TTC7A: variants seen among roughly 807,000 people sequenced by gnomAD.
The protein encoded by TTC7A is tetratricopeptide repeat domain 7A, also known as tetratricopeptide repeat protein 7A.
In TTC7A, 110 loss-of-function variants were observed where a neutral mutation model predicts 103.7. The ratio of observed to expected loss-of-function variants is 1.06; its 90% CI spans 0.91 to 1.24. TTC7A has a LOEUF of 1.24. TTC7A is among the 50% of genes most tolerant of loss of function. The pLI is 0.00. For missense variants in TTC7A, 1,340 were observed against 1,116.3 expected (o/e 1.20, Z -2.86); for synonymous variants, 521 against 467.9 (o/e 1.11, Z -1.47).
chr2:47,020,665 G>A (rs773816864), intron 11 of TTC7A, among the ~76,000 whole-genome samples: 2 of 152,252 alleles, frequency 1.3e-5, no homozygotes, highest in African/African-American at 4.8e-5. Context: ...AGGCCATCAT[G>A]CAGCTTTCTC....
At chr2:46,920,847 T>C (rs1459849567) in intron 2 of TTC7A, among the ~76,000 whole-genome samples, 1 of 152,018 alleles carries the variant, frequency 6.6e-6, no homozygotes, top group African/African-American at 2.4e-5. Flanking sequence ...AAAATGAAAA[T>C]GTGGCTGTCT....
At chr2:46,917,061 T>G in intron 1 of TTC7A, 1 of 642,258 alleles carries the variant, frequency 1.6e-6, no homozygotes, top group Admixed American at 2.6e-5. Flanking sequence ...GCCTTGAAAG[T>G]TGCCTAACGC....
intron 4 of TTC7A, 65 bp downstream of exon 4, chr2:46,975,168 A>T: frequency 6.3e-7 from 1 of 1,593,372 alleles, no homozygotes; most frequent in Non-Finnish European, 8.6e-7. Flanking sequence ...TATGGATCCC[A>T]CTAAACCCAT....
chr2:46,930,517 TA>T (rs1251023975), intron 2 of TTC7A, among the ~76,000 whole-genome samples: 1 of 145,802 alleles, frequency 6.9e-6, no homozygotes, highest in Admixed American at 6.8e-5. Context: ...TTTTTTTTTT[TA>T]GACAAAGTCT....
rs1685115633 is a variant in TTC7A at position 47,075,136 on chromosome 2, C to G, written c.*1213C>G. The G allele has an allele frequency of 6.6e-6, 1 of 152,154 alleles. No homozygotes were observed. The highest frequency in any genetic ancestry group is 2.4e-5 in the African/African-American group (1 of 41,430). 9.4% of individuals were successfully genotyped at this position (152,154 alleles called of 1,614,324 possible). On this transcript the variant is annotated 3_prime_UTR_variant, in exon 20 of 20. Transcript: ENST00000319190. ...GGAAGGAGTGGGCTGTTGGAGACCC[C>G]CCATCCATGGCACACTAGCTCAGCA...
At chr2:46,999,112 A>G (rs1030754732) in intron 8 of TTC7A, among the ~76,000 whole-genome samples, 2 of 151,992 alleles carry the variant, frequency 1.3e-5, no homozygotes, top group Admixed American at 6.6e-5. Flanking sequence ...CCATCCTCCT[A>G]CCCACCATTC....
At chr2:46,981,911 C>T (rs1558535584) in intron 5 of TTC7A, among the ~76,000 whole-genome samples, 3 of 152,212 alleles carry the variant, frequency 2.0e-5, no homozygotes, top group Admixed American at 6.5e-5. Flanking sequence ...GAGGCAGTGG[C>T]TGTGATGACT....
rs181512215 is a variant in TTC7A at position 46,922,125 on chromosome 2, C to G, written c.82+4848C>G. Among the ~76,000 whole-genome samples, 4 of 152,292 alleles carry G rather than the reference C, an allele frequency of 2.6e-5. No individual in the cohort carries two copies. The East Asian group carries it at 7.7e-4, about 29-fold the overall frequency. On this transcript the variant is annotated intron_variant, in intron 2 of 20. Coordinates refer to the TTC7A transcript ENST00000409245. ...CTAGTCTGTGAAGCGTGCCCTTGAG[C>G]AGGCTGGCTAGGGTCATCAAACAAC...
At chr2:47,029,178 G>T in intron 14 of TTC7A, 46 bp from the exon 15 acceptor site, 1 of 1,605,604 alleles carries the variant, frequency 6.2e-7, no homozygotes, top group Non-Finnish European at 8.5e-7. Context: ...GAGTCCCAGG[G>T]CAGCATGTGC....
intron 3 of TTC7A, among the ~76,000 whole-genome samples, chr2:46,957,931 A>G (rs780821369): frequency 6.6e-6 from 1 of 152,176 alleles, no homozygotes; most frequent in South Asian, 2.1e-4. Context: ...ACACTCTATT[A>G]TAGATAGGGA....
At chr2:47,072,358 C>T (rs1442966127) in intron 19 of TTC7A, among the ~76,000 whole-genome samples, 1 of 152,214 alleles carries the variant, frequency 6.6e-6, no homozygotes, top group Non-Finnish European at 1.5e-5. Context: ...TCCCCCGCCC[C>T]CTGGCCGCAA....
intron 3 of TTC7A, among the ~76,000 whole-genome samples, chr2:46,968,135 C>A (rs139808501): frequency 1.9e-4 from 29 of 152,330 alleles, no homozygotes; most frequent in Admixed American, 1.5e-3. Context: ...GTCATTCAGA[C>A]TGAAGGAGTT....
chr2:46,946,198 G>A (rs1012214924), intron 1 of TTC7A, among the ~76,000 whole-genome samples: 1 of 152,130 alleles, frequency 6.6e-6, no homozygotes, highest in African/African-American at 2.4e-5. Flanking sequence ...CTTTGCTGAG[G>A]GCAAGGTGCT....
At chr2:46,926,931 G>C (rs1669413252) in intron 2 of TTC7A, among the ~76,000 whole-genome samples, 1 of 151,874 alleles carries the variant, frequency 6.6e-6, no homozygotes, top group South Asian at 2.1e-4. Context: ...CAAAACATTA[G>C]AAAAAAGAAC....
intron 8 of TTC7A, among the ~76,000 whole-genome samples, chr2:46,996,930 TC>T (rs1409765570): frequency 6.6e-6 from 1 of 152,282 alleles, no homozygotes; most frequent in South Asian, 2.1e-4. Flanking sequence ...TGCCCTGGAA[TC>T]ATCTGTCTGG....
At chr2:47,055,811 C>G (rs961984662) in intron 18 of TTC7A, among the ~76,000 whole-genome samples, 47 of 152,102 alleles carry the variant, frequency 3.1e-4, no homozygotes, top group African/African-American at 1.0e-3. Context: ...CCTGGGCAGA[C>G]TTGGGGGGCT....
chr2:46,999,805 G>T, intron 8 of TTC7A: 1 of 985,414 alleles, frequency 1.0e-6, no homozygotes, highest in South Asian at 4.7e-5. Context: ...TGAACCCTTG[G>T]ATCCCTGTTT....
intron 4 of TTC7A, among the ~76,000 whole-genome samples, chr2:46,977,372 G>A (rs1284471095): frequency 6.6e-6 from 1 of 152,238 alleles, no homozygotes; most frequent in Non-Finnish European, 1.5e-5. Flanking sequence ...TTCTGAAAGA[G>A]GAGGTGGATG....
intron 8 of TTC7A, among the ~76,000 whole-genome samples, chr2:46,997,316 C>A (rs1676307003): frequency 6.6e-6 from 1 of 152,100 alleles, no homozygotes; most frequent in African/African-American, 2.4e-5. Flanking sequence ...TGTACTGAGG[C>A]TTCCAGTGCA....
Sources: allele counts gnomAD v4.1 joint callset (sites outside exome capture counted in the v4.1 genomes callset), GRCh38; gene constraint gnomAD v4.1.1; transcripts MANE v1.5; gene names NCBI Gene and HGNC (gene_info 2026-07-23, HGNC 2026-07-21).